The following GALNT5 variants were observed in gnomAD, a reference collection of about 807,000 sequenced individuals.
The protein encoded by GALNT5 is polypeptide N-acetylgalactosaminyltransferase 5.
In GALNT5, 72 loss-of-function variants were observed where a neutral mutation model predicts 85.4. That is an observed-to-expected ratio of 0.84 (90% CI 0.70 to 1.03). GALNT5 has a LOEUF of 1.03. Among genes scored for constraint, GALNT5 ranks in the 50% least tolerant of loss-of-function variants. The pLI is 0.00. For missense variants in GALNT5, 1,137 were observed against 1,135.5 expected, an observed-to-expected ratio of 1.00 and a Z score of -0.02; for synonymous variants, 404 against 397.0, an observed-to-expected ratio of 1.02 and a Z score of -0.21.
intron 5 of GALNT5, among the ~76,000 whole-genome samples, chr2:157,298,403 C>T (rs1384545131): frequency 6.6e-6 from 1 of 152,210 alleles, no homozygotes; most frequent in Admixed American, 6.5e-5. Context: ...CACCACATCT[C>T]AGAAGGAAAG....
At chr2:157,265,230 G>C (rs1485208157) in intron 1 of GALNT5, among the ~76,000 whole-genome samples, 2 of 152,152 alleles carry the variant, frequency 1.3e-5, no homozygotes, top group Non-Finnish European at 2.9e-5. Flanking sequence ...AGGAAAACTT[G>C]TTAAAAGGGT....
At chr2:157,296,043 G>A (rs1215797416) in intron 4 of GALNT5, among the ~76,000 whole-genome samples, 1 of 152,070 alleles carries the variant, frequency 6.6e-6, no homozygotes, top group Non-Finnish European at 1.5e-5. Context: ...TCATGACCTA[G>A]TTTTTCCCCT....
intron 3 of GALNT5, 51 bp downstream of exon 3, chr2:157,286,185 A>C: frequency 6.7e-7 from 1 of 1,488,492 alleles, no homozygotes; most frequent in Non-Finnish European, 9.3e-7. Context: ...TTAATTTAAA[A>C]TGTTTCTCAA....
intron 1 of GALNT5, among the ~76,000 whole-genome samples, chr2:157,264,174 TACAC>T (rs59575957): frequency 0.25 from 36,572 of 144,534 alleles, 6,842 homozygotes; most frequent in African/African-American, 0.54. Context: ...TCAACACACA[TACAC>T]ACACACACAC....
rs149305551 is a variant in GALNT5, at chr2:157,308,607, G to A, written c.2561G>A (p.Cys854Tyr). Reference sequence around the variant, plus strand: ...TACACCTGGTTAAGACTTATTAAATGTGGAGAATGGTGTATAGCCCCCATC... The same window carrying A: ...TACACCTGGTTAAGACTTATTAAATATGGAGAATGGTGTATAGCCCCCATC... ...FNYTWLRLIK[C>Y]GEWCIAPIPD... Residue 854 changes from cysteine (C) to tyrosine (Y), a missense_variant, in exon 9 of 10, where the codon TGT (cysteine) becomes TAT (tyrosine). By Grantham distance (194) the Cys-to-Tyr change is radical (BLOSUM62 -2). Transcript: ENST00000259056. The A allele has an allele frequency of 1.7e-4, 268 of 1,613,290 alleles. No individual in the cohort carries two copies. Among genetic ancestry groups the A allele is most frequent in the Non-Finnish European group, 2.2e-4 (258 of 1,179,618 alleles).
In GALNT5 at chr2:157,314,555, A is replaced by G. The variant is rs1683654013; in HGVS notation, c.*3207A>G. On this transcript the variant is annotated 3_prime_UTR_variant, in exon 10 of 10. Coordinates refer to ENST00000259056, the MANE Select transcript of GALNT5 (RefSeq NM_014568.3). ...CACACTAATTTGGAAACATTCTTTT[A>G]GATATTAAAACACCTTACTTCTAGT... Among the ~76,000 whole-genome samples, 3 of 152,322 alleles carry G rather than the reference A, an allele frequency of 2.0e-5. No individual in the cohort carries two copies. The South Asian group carries it at 6.2e-4, about 32-fold the overall frequency.
chr2:157,266,941 C>T (rs748076915), intron 1 of GALNT5, among the ~76,000 whole-genome samples: 9 of 152,104 alleles, frequency 5.9e-5, no homozygotes, highest in Non-Finnish European at 1.3e-4. Context: ...TCCTATATAG[C>T]ACTAAGCAAA....
At chr2:157,260,321 G>A (rs181095172) in intron 1 of GALNT5, among the ~76,000 whole-genome samples, 32 of 152,326 alleles carry the variant, frequency 2.1e-4, no homozygotes, top group Middle Eastern at 3.4e-3. Flanking sequence ...TGGCGAGGGC[G>A]CTCAGAAGTT....
chr2:157,275,086 GTC>G (rs1314766002), intron 1 of GALNT5, among the ~76,000 whole-genome samples: 1 of 151,588 alleles, frequency 6.6e-6, no homozygotes, highest in Non-Finnish European at 1.5e-5. Flanking sequence ...ATTAAATAGG[GTC>G]CTTTCTCCAT....
Position 157,258,957 on chromosome 2 carries a change from C to A in GALNT5, c.875C>A (p.Ser292Tyr). 6.6e-7 allele frequency: 1 copy of A among 1,521,296 alleles called. No homozygotes were observed. Among genetic ancestry groups the A allele is most frequent in the Non-Finnish European group, 8.8e-7 (1 of 1,136,920 alleles). The allele number at this position is 1,521,296 out of a possible 1,614,324, so 94.2% of individuals were successfully genotyped here. A position where few individuals can be genotyped will look rare whatever the true frequency, so the allele number is the denominator to read the frequency against. The change falls in exon 1 of 10, where the codon TCT (serine) becomes TAT (tyrosine). Residue 292 changes from serine (S) to tyrosine (Y), a missense_variant. Physicochemically the swap from Ser to Tyr is moderately radical, Grantham distance 144. Transcript: ENST00000259056. Reference protein sequence around the residue: ...TVNSNRLRKQSINETPLGSLS... With the variant: ...TVNSNRLRKQYINETPLGSLS... ...AATTCAAATCGCTTAAGGAAGCAATCTATTAATGAGACACCTTTGGGAAGT... is the reference window on the plus strand; with the variant it reads ...AATTCAAATCGCTTAAGGAAGCAATATATTAATGAGACACCTTTGGGAAGT...
rs1320864436 is a variant in GALNT5 at position 157,317,708 on chromosome 2, A to G, written c.*6360A>G. ...AACTTTAAATTCTAGGTAAACATCCAAATTACTTTCTAAATTCATTTCCAA... is the reference window on the plus strand; with the variant it reads ...AACTTTAAATTCTAGGTAAACATCCGAATTACTTTCTAAATTCATTTCCAA... On this transcript the variant is annotated 3_prime_UTR_variant, in exon 10 of 10. Transcript: ENST00000259056. 6.6e-6 allele frequency among the ~76,000 whole-genome samples: 1 copy of G among 152,148 alleles called. No homozygotes were observed. The highest frequency in any genetic ancestry group is 1.5e-5 in the Non-Finnish European group (1 of 68,004).
intron 1 of GALNT5, among the ~76,000 whole-genome samples, chr2:157,265,959 A>G (rs761882507): frequency 1.3e-5 from 2 of 152,266 alleles, no homozygotes; most frequent in Admixed American, 6.5e-5. Context: ...CAAAGGCTTC[A>G]CAACTTGCCT....
At chr2:157,290,330 G>C (rs753345981) in intron 3 of GALNT5, among the ~76,000 whole-genome samples, 1 of 152,080 alleles carries the variant, frequency 6.6e-6, no homozygotes, top group Non-Finnish European at 1.5e-5. Flanking sequence ...TTGGAAAGAA[G>C]AAAGGTTTGT....
At chr2:157,289,716 A>G (rs1683053692) in intron 3 of GALNT5, among the ~76,000 whole-genome samples, 1 of 152,124 alleles carries the variant, frequency 6.6e-6, no homozygotes, top group Admixed American at 6.5e-5. Flanking sequence ...GTAAATTATA[A>G]TCAATATTAA....
At position 157,316,037 on chromosome 2, in the gene GALNT5, C is replaced by A. The variant is rs997077042; in HGVS notation, c.*4689C>A. Among the ~76,000 whole-genome samples, 10 of 151,962 alleles carry A rather than the reference C, an allele frequency of 6.6e-5. No homozygotes were observed. Among genetic ancestry groups the A allele is most frequent in the African/African-American group, 2.4e-4 (10 of 41,346 alleles). The stretch of plus-strand genomic sequence containing the variant: ...TAACCAGGTATACTACTTACATAGC[C>A]GGTGAAAAGACTGGCCCTCCCACCC... On this transcript the variant is annotated 3_prime_UTR_variant, in exon 10 of 10. Transcript: ENST00000259056.
intron 1 of GALNT5, among the ~76,000 whole-genome samples, chr2:157,272,947 T>G (rs1372930128): frequency 6.6e-6 from 1 of 152,214 alleles, no homozygotes; most frequent in African/African-American, 2.4e-5. Flanking sequence ...CCTTCTACAG[T>G]GGCTAAACTA....
chr2:157,292,772 C>G (rs1018916017), intron 3 of GALNT5, among the ~76,000 whole-genome samples: 21 of 151,828 alleles, frequency 1.4e-4, no homozygotes, highest in Admixed American at 1.3e-3. Context: ...GTGCCGTGAT[C>G]TCTGCTCACT....
intron 8 of GALNT5, among the ~76,000 whole-genome samples, chr2:157,307,032 T>G (rs1683468457): frequency 6.6e-6 from 1 of 151,754 alleles, no homozygotes; most frequent in African/African-American, 2.4e-5. Context: ...TTAGGAATCA[T>G]CATAGCAGGG....
At position 157,305,665 on chromosome 2, in the gene GALNT5, T is replaced by C. The variant is rs1346768692; in HGVS notation, c.2440-84T>C. On this transcript the variant is annotated intron_variant, in intron 7 of 9. Coordinates refer to ENST00000259056, the MANE Select transcript of GALNT5 (RefSeq NM_014568.3). Reference sequence around the variant, plus strand: ...AACTTTTAACCTTATTATAGTTTTATATTCTGTATTTTCTAAATGTGTCTG... The same window carrying C: ...AACTTTTAACCTTATTATAGTTTTACATTCTGTATTTTCTAAATGTGTCTG... The C allele has an allele frequency of 1.3e-5, 10 of 774,120 alleles. No individual in the cohort carries two copies. In the East Asian group the frequency reaches 1.3e-4, roughly 10 times the overall value. The allele number at this position is 774,120 out of a possible 1,614,324, so 48.0% of individuals were successfully genotyped here.
Sources: gnomAD v4.1 joint callset for allele counts (sites outside exome capture counted in the v4.1 genomes callset) on GRCh38, gnomAD v4.1.1 for gene constraint, MANE v1.5 for transcripts, NCBI Gene and HGNC (gene_info 2026-07-23, HGNC 2026-07-21) for gene names.